BTN2A1: variants seen among roughly 807,000 people sequenced by gnomAD.
BTN2A1 encodes the protein butyrophilin subfamily 2 member A1.
In BTN2A1, 41 loss-of-function variants were observed where a neutral mutation model predicts 34.5. That is an observed-to-expected ratio of 1.19 (90% confidence interval 0.93 to 1.54). BTN2A1 has a LOEUF of 1.54. Ranked by LOEUF, BTN2A1 falls within the 40% of genes most tolerant of loss-of-function variation. BTN2A1 has a pLI of 0.00. For synonymous variants in BTN2A1, 267 were observed against 258.6 expected, an observed-to-expected ratio of 1.03 and a Z score of -0.31; for missense variants, 642 against 662.0, an observed-to-expected ratio of 0.97 and a Z score of 0.33.
chr6:26,469,150 T>G lies in BTN2A1; in HGVS notation c.*601T>G. The G allele has an allele frequency of 9.3e-7, 1 of 1,074,700 alleles. No homozygotes were observed. Among genetic ancestry groups the G allele is most frequent in the Non-Finnish European group, 1.1e-6 (1 of 883,360 alleles). The allele number at this position is 1,074,700 out of a possible 1,614,324, so 66.6% of individuals were successfully genotyped here. On this transcript the variant is annotated 3_prime_UTR_variant, in exon 8 of 8. Transcript: ENST00000312541. ...TTTCCAGAGCGCACATCCACAGGCC[T>G]GGACCTGGGATGAAGATGAATGAAG...
intron 7 of BTN2A1, among the ~76,000 whole-genome samples, chr6:26,474,728 T>C (rs1416484859): frequency 2.7e-5 from 4 of 150,262 alleles, no homozygotes; most frequent in African/African-American, 7.3e-5. Flanking sequence ...TCTTAGGAAC[T>C]AATTACAGTC....
At chr6:26,463,943 G>A (rs971523795) in intron 4 of BTN2A1, among the ~76,000 whole-genome samples, 4 of 151,992 alleles carry the variant, frequency 2.6e-5, no homozygotes, top group African/African-American at 9.7e-5. Flanking sequence ...TAGGACTACA[G>A]GCACACGCCA....
At position 26,466,195 on chromosome 6, in the gene BTN2A1, C is replaced by CA; in HGVS notation, c.982+108dup. 9 of 1,553,004 alleles carry CA rather than the reference C, an allele frequency of 5.8e-6. No individual in the cohort carries two copies. In the South Asian group the frequency reaches 1.0e-4, roughly 17 times the overall value. ...GGGGCCCAGGGCAAGGTGGGGACAG[C>CA]AGGGAACGGGGGTCAGTTCATCAAC... On this transcript the variant is annotated intron_variant, in intron 7 of 7. Coordinates refer to ENST00000312541, the MANE Select transcript of BTN2A1 (RefSeq NM_007049.5).
At position 26,465,170 on chromosome 6, in the gene BTN2A1, T is replaced by A; in HGVS notation, c.713-15T>A. 6.2e-7 allele frequency: 1 copy of A among 1,608,504 alleles called. No individual in the cohort carries two copies. The highest frequency in any genetic ancestry group is 8.5e-7 in the Non-Finnish European group (1 of 1,174,986). ...CTGTTTCAAACTAAGTGGATATTTC[T>A]GGCTGCCTTTTCAGAATCCTTTATG... On this transcript the variant is annotated splice_polypyrimidine_tract_variant and intron_variant, in intron 4 of 7. Coordinates refer to ENST00000312541, the MANE Select transcript of BTN2A1 (RefSeq NM_007049.5).
chr6:26,468,877 G>T lies in BTN2A1; in HGVS notation c.*328G>T. 1 of 1,406,044 alleles carries T rather than the reference G, an allele frequency of 7.1e-7. No homozygotes were observed. The highest frequency in any genetic ancestry group is 9.4e-7 in the Non-Finnish European group (1 of 1,062,840). The allele number at this position is 1,406,044 out of a possible 1,614,324, so 87.1% of individuals were successfully genotyped here. A position where few individuals can be genotyped will look rare whatever the true frequency, so the allele number is the denominator to read the frequency against. ...TTTAACATCAGGGTGACCACATTAA[G>T]CCCAGTATTCCAGTTGGCACCAGAA... On this transcript the variant is annotated 3_prime_UTR_variant, in exon 8 of 8. Transcript: ENST00000312541.
In BTN2A1 at chr6:26,463,422, C is replaced by T. The variant is rs920767570; in HGVS notation, c.609C>T (p.Val203=). The T allele has an allele frequency of 1.2e-6, 2 of 1,614,148 alleles. No individual in the cohort carries two copies. Among genetic ancestry groups the T allele is most frequent in the African/African-American group, 2.7e-5 (2 of 75,030 alleles). The change falls in exon 4 of 8, where the codon GTC becomes GTT. Residue 203 remains valine (V), a synonymous_variant. Transcript: ENST00000312541. ...CTGATGCAGACGGCCTCTTCATGGT[C>T]ACCACGGCTGTGATCATCAGAGACA... ...SMPDADGLFM[V]TTAVIIRDKS... is the part of the protein sequence containing the mutation.
intron 7 of BTN2A1, 141 bp downstream of exon 7, chr6:26,466,229 A>G: frequency 3.2e-6 from 4 of 1,253,028 alleles, no homozygotes; most frequent in Non-Finnish European, 4.7e-6. Context: ...ACAGTGTCCC[A>G]GCAATGATGC....
At chr6:26,462,302 T>G (rs1235790998) in intron 3 of BTN2A1, among the ~76,000 whole-genome samples, 1 of 152,162 alleles carries the variant, frequency 6.6e-6, no homozygotes, top group Non-Finnish European at 1.5e-5. Context: ...ATTGAAAAAG[T>G]GGTATGGTTA....
Position 26,463,544 on chromosome 6 carries a change from G to A in BTN2A1, c.712+19G>A. The A allele has an allele frequency of 2.5e-6, 4 of 1,604,542 alleles. No individual in the cohort carries two copies. The highest frequency in any genetic ancestry group is 1.3e-5 in the African/African-American group (1 of 74,954). On this transcript the variant is annotated intron_variant, in intron 4 of 7. Coordinates refer to ENST00000312541, the MANE Select transcript of BTN2A1 (RefSeq NM_007049.5). ...ATTCCAGGTTAGTTCTCTGCCCTCT[G>A]AGACTCGTCGAGTGCATGGGGGATC...
chr6:26,470,361 G>T (rs971742606), downstream of BTN2A1, among the ~76,000 whole-genome samples: 1 of 151,780 alleles, frequency 6.6e-6, no homozygotes, highest in African/African-American at 2.4e-5. Flanking sequence ...CAAAGAGGGG[G>T]AGGGAACTTA....
rs779084137 is a variant in BTN2A1 at position 26,468,253 on chromosome 6, C to T, written c.1288C>T (p.Gln430Ter). Reference protein sequence around the residue: ...GFWTLEMHKGQYRAVSSPDRI... With the variant: ...GFWTLEMHKG Reference sequence around the variant, plus strand: ...CTGGACCTTGGAGATGCATAAAGGGCAATACCGGGCCGTGTCCTCCCCTGA... The same window carrying T: ...CTGGACCTTGGAGATGCATAAAGGGTAATACCGGGCCGTGTCCTCCCCTGA... Residue 430 changes from glutamine to a stop codon, truncating the protein, a stop_gained, in exon 8 of 8, where the codon CAA (glutamine) becomes TAA (stop). Coordinates refer to ENST00000312541, the MANE Select transcript of BTN2A1 (RefSeq NM_007049.5). LOFTEE classifies it low-confidence loss of function (END_TRUNC). The T allele has an allele frequency of 6.2e-7, 1 of 1,614,172 alleles. No homozygotes were observed. Among genetic ancestry groups the T allele is most frequent in the South Asian group, 1.1e-5 (1 of 91,072 alleles).
intron 4 of BTN2A1, among the ~76,000 whole-genome samples, chr6:26,463,784 C>A (rs2113860604): frequency 6.6e-6 from 1 of 151,814 alleles, no homozygotes; most frequent in East Asian, 1.9e-4. Flanking sequence ...TGTTTTTCCC[C>A]CCAATAAGGT....
intron 2 of BTN2A1, among the ~76,000 whole-genome samples, chr6:26,459,239 G>A (rs1286747352): frequency 6.6e-6 from 1 of 152,168 alleles, no homozygotes; most frequent in Non-Finnish European, 1.5e-5. Context: ...GCACAGGGTG[G>A]ACAGAGGGTG....
chr6:26,471,004 G>T (rs1048006504), downstream of BTN2A1, among the ~76,000 whole-genome samples: 1 of 152,110 alleles, frequency 6.6e-6, no homozygotes, highest in Non-Finnish European at 1.5e-5. Context: ...TGACTGAAAC[G>T]ATCAGGCATC....
downstream of BTN2A1, chr6:26,469,647 A>C (rs9358944): frequency 0.17 from 25,734 of 152,236 alleles, 2,198 homozygotes; most frequent in African/African-American, 0.2. Context: ...GGCATTGATT[A>C]ACTTTTTCCA....
chr6:26,476,189 G>A (rs1202957166), exon 8 of BTN2A1: 27 of 1,534,524 alleles, frequency 1.8e-5, no homozygotes, highest in Non-Finnish European at 2.4e-5. Context: ...ATGGCAGCCT[G>A]GTTTGAAAAT....
rs1763072416 is a variant in BTN2A1 at position 26,458,621 on chromosome 6, C to T, written c.-16C>T. 1.2e-6 allele frequency: 2 copies of T among 1,614,036 alleles called. No homozygotes were observed. Among genetic ancestry groups the T allele is most frequent in the Non-Finnish European group, 8.5e-7 (1 of 1,179,904 alleles). ...TGTAACCCTAGGCCTCCTGTCCCTG[C>T]CTGCTCTGGGTGCTCATGGAATCAG... On this transcript the variant is annotated 5_prime_UTR_variant, in exon 2 of 8. Transcript: ENST00000312541.
At chr6:26,464,090 C>T (rs1763246937) in intron 4 of BTN2A1, among the ~76,000 whole-genome samples, 1 of 152,190 alleles carries the variant, frequency 6.6e-6, no homozygotes, top group Non-Finnish European at 1.5e-5. Context: ...GCGTGAGCCA[C>T]CATACCCGGC....
In BTN2A1 at chr6:26,463,474, A is replaced by G; in HGVS notation, c.661A>G (p.Ile221Val). Reference protein sequence around the residue: ...DKSVRNMSCSINNTLLGQKKE... With the variant: ...DKSVRNMSCSVNNTLLGQKKE... ...GTCTGTGAGGAACATGTCCTGCTCT[A>G]TCAACAACACCCTGCTCGGCCAGAA... Residue 221 changes from isoleucine to valine, a missense_variant, in exon 4 of 8, where the codon ATC (isoleucine) becomes GTC (valine). Coordinates refer to ENST00000312541, the MANE Select transcript of BTN2A1 (RefSeq NM_007049.5). The G allele has an allele frequency of 2.5e-6, 4 of 1,614,102 alleles. No individual in the cohort carries two copies. Among genetic ancestry groups the G allele is most frequent in the Non-Finnish European group, 3.4e-6 (4 of 1,179,996 alleles).
Sources: gnomAD v4.1 joint callset for allele counts (sites outside exome capture counted in the v4.1 genomes callset) on GRCh38, gnomAD v4.1.1 for gene constraint, MANE v1.5 for transcripts, NCBI Gene and HGNC (gene_info 2026-07-23, HGNC 2026-07-21) for gene names.